Variants in NDE1 observed in about 807,000 individuals in gnomAD.
The protein encoded by NDE1 is nuclear distribution protein nudE homolog 1.
Under a neutral mutation model 43.4 loss-of-function variants are expected in NDE1, and 28 were observed. The ratio of observed to expected loss-of-function variants is 0.65; its 90% confidence interval spans 0.48 to 0.89. The LOEUF (loss-of-function observed/expected upper bound fraction) is 0.89. Ranked by LOEUF, NDE1 falls within the 40% of genes least tolerant of loss-of-function variation. The pLI, the probability that NDE1 is intolerant of heterozygous loss-of-function variation, is 0.00. For synonymous variants in NDE1, 184 were observed against 172.0 expected (o/e 1.07, Z -0.55); for missense variants, 441 against 434.1 (o/e 1.02, Z -0.14).
At chr16:15,698,144 C>T (rs1304415765) in intron 8 of NDE1, among the ~76,000 whole-genome samples, 1 of 152,050 alleles carries the variant, frequency 6.6e-6, no homozygotes, top group Non-Finnish European at 1.5e-5. Flanking sequence ...GAGAAACTGG[C>T]ACTAACTTCT....
At position 15,671,007 on chromosome 16, in the gene NDE1, T is replaced by C. The variant is rs543000414; in HGVS notation, c.237+3568T>C. Among the ~76,000 whole-genome samples the C allele has an allele frequency of 9.8e-5, 15 of 152,290 alleles. No individual in the cohort carries two copies. The South Asian group carries it at 3.1e-3, about 32-fold the overall frequency. ...GCCGTCTGCAGATCCATCTGCCCCA[T>C]AGGTGTTGTTTGATCGCCTTCAGGG... On this transcript the variant is annotated intron_variant, in intron 3 of 8. Transcript: ENST00000396354.
chr16:15,696,376 AAAAAC>A (rs1044543241), intron 7 of NDE1, among the ~76,000 whole-genome samples: 6 of 123,090 alleles, frequency 4.9e-5, no homozygotes, highest in East Asian at 2.1e-4. Context: ...TAAAAAAGTA[AAAAAC>A]AAAACAAAAA....
At chr16:15,676,322 G>A (rs768029796) in intron 3 of NDE1, among the ~76,000 whole-genome samples, 6 of 141,094 alleles carry the variant, frequency 4.3e-5, no homozygotes, top group Non-Finnish European at 6.0e-5. Context: ...CGATTCTCCC[G>A]CGTCAGCCTT....
Position 15,691,367 on chromosome 16 carries a change from G to A in NDE1, c.703+44G>A, listed in dbSNP as rs375459668. ...GCAGGATTTTCTCGGTTCACAAAGT[G>A]TTTCTGGGTAAGAATCTGGGGTGGG... On this transcript the variant is annotated intron_variant, in intron 6 of 8. Coordinates refer to ENST00000396354, the MANE Select transcript of NDE1 (RefSeq NM_017668.3). 3 of 1,598,970 alleles carry A rather than the reference G, an allele frequency of 1.9e-6. No homozygotes were observed. The Admixed American group carries it at 5.2e-5, about 28-fold the overall frequency.
At chr16:15,715,318 C>T (rs2040066301) in intron 8 of NDE1, 1 of 1,591,290 alleles carries the variant, frequency 6.3e-7, no homozygotes, top group Non-Finnish European at 8.6e-7. Flanking sequence ...AGGGTGGCAC[C>T]CCTTGTAGCT....
At chr16:15,685,524 T>C (rs2038394939) in intron 4 of NDE1, among the ~76,000 whole-genome samples, 1 of 152,168 alleles carries the variant, frequency 6.6e-6, no homozygotes, top group African/African-American at 2.4e-5. Flanking sequence ...GTGCTGGGAT[T>C]ATAGGCATGA....
chr16:15,653,798 G>A (rs2036619249), intron 1 of NDE1, among the ~76,000 whole-genome samples: 1 of 151,396 alleles, frequency 6.6e-6, no homozygotes, highest in African/African-American at 2.4e-5. Context: ...GGCGATCTCG[G>A]CTCACTGCAA....
intron 4 of NDE1, among the ~76,000 whole-genome samples, chr16:15,684,947 A>C (rs2038364021): frequency 6.6e-6 from 1 of 152,216 alleles, no homozygotes; most frequent in South Asian, 2.1e-4. Flanking sequence ...TCTTTTACAG[A>C]GTTCCTCTGA....
intron 7 of NDE1, among the ~76,000 whole-genome samples, chr16:15,695,097 A>G (rs2038945875): frequency 6.8e-6 from 1 of 147,774 alleles, no homozygotes; most frequent in African/African-American, 2.5e-5. Context: ...AGGTGGGAGG[A>G]TTGCTTCAGC....
At chr16:15,720,695 TG>T (rs1353950009) in intron 8 of NDE1, 1 of 917,814 alleles carries the variant, frequency 1.1e-6, no homozygotes. Flanking sequence ...ATTACGCCAC[TG>T]CACTCCAGCC....
chr16:15,707,711 C>T (rs1051261625), intron 8 of NDE1, among the ~76,000 whole-genome samples: 6 of 152,176 alleles, frequency 3.9e-5, no homozygotes, highest in African/African-American at 1.4e-4. Flanking sequence ...GTTGGTCATG[C>T]TTGTAATCCC....
At chr16:15,711,839 C>T (rs898976382) in intron 8 of NDE1, among the ~76,000 whole-genome samples, 7 of 152,094 alleles carry the variant, frequency 4.6e-5, no homozygotes, top group Non-Finnish European at 8.8e-5. Flanking sequence ...ATTACAGGCA[C>T]GCCCCACCAT....
Position 15,703,333 on chromosome 16 carries a change from A to T in NDE1, c.947+6473A>T, listed in dbSNP as rs902933088. 16 of 231,504 alleles carry T rather than the reference A, an allele frequency of 6.9e-5. No individual in the cohort carries two copies. The East Asian group carries it at 1.0e-3, about 15-fold the overall frequency. 14.3% of individuals were successfully genotyped at this position (231,504 alleles called of 1,614,324 possible). A position where few individuals can be genotyped will look rare whatever the true frequency, so the allele number is the denominator to read the frequency against. On this transcript the variant is annotated intron_variant, in intron 8 of 8. Coordinates refer to ENST00000396354, the MANE Select transcript of NDE1 (RefSeq NM_017668.3). ...AAAGAATTCTCAAAGGCCTGACGTGAGAAGTTGGAAAGGTTTGCAGGTTAG... is the reference window on the plus strand; with the variant it reads ...AAAGAATTCTCAAAGGCCTGACGTGTGAAGTTGGAAAGGTTTGCAGGTTAG...
In NDE1 at chr16:15,708,829, T is replaced by TG. The variant is rs747392139; in HGVS notation, c.947+11977dup. Reference sequence around the variant, plus strand: ...TGGTGCATCACTGCGAAGTTTCCTGTGGGGGGGGCCCTCTGAAACAGAGAG... The same window carrying TG: ...TGGTGCATCACTGCGAAGTTTCCTGTGGGGGGGGGCCCTCTGAAACAGAGAG... On this transcript the variant is annotated intron_variant, in intron 8 of 8. Transcript: ENST00000396354. 501 of 1,603,076 alleles carry TG rather than the reference T, an allele frequency of 3.1e-4. No individual in the cohort carries two copies. Among genetic ancestry groups the TG allele is most frequent in the Middle Eastern group, 6.6e-4 (4 of 6,044 alleles).
At chr16:15,684,627 C>G (rs1201167731) in intron 4 of NDE1, 1 of 150,018 alleles carries the variant, frequency 6.7e-6, no homozygotes, top group Non-Finnish European at 1.5e-5. Flanking sequence ...ATTCCAGAAG[C>G]AAAATAGATT....
At chr16:15,674,708 T>C (rs2037776823) in intron 3 of NDE1, among the ~76,000 whole-genome samples, 1 of 152,070 alleles carries the variant, frequency 6.6e-6, no homozygotes, top group Non-Finnish European at 1.5e-5. Flanking sequence ...TCATTGAGAT[T>C]CCTTTTTTTT....
chr16:15,657,404 T>A (rs995267790), intron 1 of NDE1, among the ~76,000 whole-genome samples: 1 of 151,966 alleles, frequency 6.6e-6, no homozygotes, highest in African/African-American at 2.4e-5. Flanking sequence ...CAGCCACCAA[T>A]ATCTTAATGG....
chr16:15,687,635 G>A (rs955005998), intron 5 of NDE1, 124 bp downstream of exon 5: 11 of 980,824 alleles, frequency 1.1e-5, no homozygotes, highest in East Asian at 2.4e-5. Flanking sequence ...CACCCAGGTT[G>A]TCTAATCAGA....
intron 8 of NDE1, 179 bp from the exon 9 acceptor site, chr16:15,724,012 C>G: frequency 7.2e-7 from 1 of 1,386,524 alleles, no homozygotes; most frequent in South Asian, 1.2e-5. Context: ...TCCATGGTCG[C>G]CCAAGACAAG....
Sources: allele counts gnomAD v4.1 joint callset (sites outside exome capture counted in the v4.1 genomes callset), GRCh38; gene constraint gnomAD v4.1.1; transcripts MANE v1.5; gene names NCBI Gene and HGNC (gene_info 2026-07-23, HGNC 2026-07-21).